Variants in P2RX3 observed in about 807,000 individuals in gnomAD.
P2RX3 encodes purinergic receptor P2X 3.
P2RX3 carries 41 observed loss-of-function variants against 51.5 expected under a neutral mutation model. The ratio of observed to expected loss-of-function variants is 0.80; its 90% CI spans 0.62 to 1.03. P2RX3 has a LOEUF of 1.03. Ranked by LOEUF, P2RX3 falls within the 50% of genes least tolerant of loss-of-function variation. The probability of loss-of-function intolerance (pLI) is 0.00; values close to 1 mark genes in which losing one functional copy is unlikely to be tolerated. For missense variants in P2RX3, 459 were observed against 522.1 expected (o/e 0.88, Z 1.18); for synonymous variants, 185 against 191.6 (o/e 0.97, Z 0.29).
At chr11:57,348,998 C>T (rs1236150401) in intron 6 of P2RX3, among the ~76,000 whole-genome samples, 1 of 152,210 alleles carries the variant, frequency 6.6e-6, no homozygotes, top group African/African-American at 2.4e-5. Context: ...GTCAAGGATG[C>T]CTTCAACGGT....
chr11:57,352,642 A>G lies in P2RX3; in HGVS notation c.842+1744A>G, dbSNP rs190785490. The stretch of plus-strand genomic sequence containing the variant: ...TGATATCGTACAGTTTTAGAACAGC[A>G]TCTCTCATCTAAATAAGAATTGGTC... On this transcript the variant is annotated intron_variant, in intron 8 of 11. Transcript: ENST00000263314. Among the ~76,000 whole-genome samples, 604 of 152,334 alleles carry G rather than the reference A, an allele frequency of 4.0e-3. 4 individuals are homozygous for G. Among genetic ancestry groups the G allele is most frequent in the African/African-American group, 0.013 (557 of 41,568 alleles).
chr11:57,363,446 C>T (rs918947783), intron 8 of P2RX3, among the ~76,000 whole-genome samples: 1 of 152,132 alleles, frequency 6.6e-6, no homozygotes, highest in Non-Finnish European at 1.5e-5. Context: ...GATCTAGGCT[C>T]CTGCCATCTT....
rs1257184527 is a variant in P2RX3 at position 57,349,659 on chromosome 11, G to T, written c.564-98G>T. 7.5e-6 allele frequency: 11 copies of T among 1,475,588 alleles called. No homozygotes were observed. In the East Asian group the frequency reaches 2.1e-4, roughly 28 times the overall value. The allele number at this position is 1,475,588 out of a possible 1,614,324, so 91.4% of individuals were successfully genotyped here. A position where few individuals can be genotyped will look rare whatever the true frequency, so the allele number is the denominator to read the frequency against. ...GGTCCAGATGAAGGCTGAGGGCTCAGATCCCCCCTAGGCCTGGGCTCCGGA... is the reference window on the plus strand; with the variant it reads ...GGTCCAGATGAAGGCTGAGGGCTCATATCCCCCCTAGGCCTGGGCTCCGGA... On this transcript the variant is annotated intron_variant, in intron 6 of 11. Coordinates refer to ENST00000263314, the MANE Select transcript of P2RX3 (RefSeq NM_002559.5).
At chr11:57,364,479 C>T (rs1565072703) in intron 8 of P2RX3, among the ~76,000 whole-genome samples, 1 of 152,170 alleles carries the variant, frequency 6.6e-6, no homozygotes, top group Admixed American at 6.5e-5. Context: ...AGTGGAGATG[C>T]TTATATTAAG....
Position 57,338,499 on chromosome 11 carries a change from CT to C in P2RX3, c.-51del, listed in dbSNP as rs1856276777. 4.4e-6 allele frequency: 6 copies of C among 1,373,506 alleles called. No individual in the cohort carries two copies. In the South Asian group the frequency reaches 6.4e-5, roughly 15 times the overall value. 85.1% of individuals were successfully genotyped at this position (1,373,506 alleles called of 1,614,324 possible). On this transcript the variant is annotated 5_prime_UTR_variant, in exon 1 of 12. Transcript: ENST00000263314. ...CCCTGTCCTGTAGGACCTCCCTCTC[CT>C]GAGGCCACCACTGGGCCCCCTTCTG... is the stretch of plus-strand genomic sequence containing the variant.
intron 9 of P2RX3, 83 bp downstream of exon 9, chr11:57,368,185 G>C: frequency 1.4e-6 from 2 of 1,451,286 alleles, no homozygotes; most frequent in Non-Finnish European, 1.9e-6. Context: ...CTCCTCTGGG[G>C]GGCAGGGGTC....
intron 1 of P2RX3, among the ~76,000 whole-genome samples, chr11:57,341,273 T>C (rs1856335164): frequency 2.0e-5 from 3 of 152,184 alleles, no homozygotes; most frequent in African/African-American, 7.2e-5. Flanking sequence ...CAATCGAATT[T>C]GAAGGGATTT....
intron 11 of P2RX3, 24 bp downstream of exon 11, chr11:57,369,462 T>C (rs1856847876): frequency 6.3e-7 from 1 of 1,594,666 alleles, no homozygotes; most frequent in South Asian, 1.1e-5. Context: ...GGGGCACCCT[T>C]GGATAAAAGG....
intron 1 of P2RX3, among the ~76,000 whole-genome samples, chr11:57,341,391 G>T (rs1856337155): frequency 6.6e-6 from 1 of 152,104 alleles, no homozygotes; most frequent in Non-Finnish European, 1.5e-5. Flanking sequence ...ATTTCTCTGA[G>T]AACTTCTCAG....
intron 8 of P2RX3, among the ~76,000 whole-genome samples, chr11:57,367,051 C>T (rs867035501): frequency 2.2e-4 from 34 of 152,230 alleles, no homozygotes; most frequent in Admixed American, 1.1e-3. Flanking sequence ...TGAAATGAGA[C>T]GAATAGTCTG....
chr11:57,347,501 C>T lies in P2RX3; in HGVS notation c.391+23C>T, dbSNP rs199511485. The T allele has an allele frequency of 2.3e-4, 350 of 1,551,570 alleles. No homozygotes were observed. In the African/African-American group the frequency reaches 3.8e-3, roughly 17 times the overall value. ...GGGGTGAGTCCAGCCCCTTACCCAC[C>T]CCACAATCCCAAGTGTTAGTGGGAC... On this transcript the variant is annotated intron_variant, in intron 4 of 11. Coordinates refer to ENST00000263314, the MANE Select transcript of P2RX3 (RefSeq NM_002559.5).
intron 1 of P2RX3, chr11:57,340,624 A>T (rs1300178258): frequency 6.6e-6 from 1 of 152,292 alleles, no homozygotes; most frequent in East Asian, 1.9e-4. Context: ...GCAAAAGCAG[A>T]CAGGGTCCTC....
At chr11:57,345,883 C>G (rs185977066) in intron 1 of P2RX3, among the ~76,000 whole-genome samples, 3 of 151,596 alleles carry the variant, frequency 2.0e-5, no homozygotes, top group Admixed American at 6.6e-5. Flanking sequence ...CCAGCCCCCC[C>G]ACCTTCAACC....
intron 8 of P2RX3, among the ~76,000 whole-genome samples, chr11:57,357,532 G>A: frequency 6.6e-6 from 1 of 152,132 alleles, no homozygotes; most frequent in East Asian, 1.9e-4. Context: ...AGGCCAAAAA[G>A]ATCCCTCTCA....
upstream of P2RX3, among the ~76,000 whole-genome samples, chr11:57,337,020 G>A (rs7123860): frequency 0.053 from 8,101 of 152,102 alleles, 714 homozygotes; most frequent in African/African-American, 0.18. Context: ...GGCCAGGCAC[G>A]GTGGCTCACA....
At position 57,371,231 on chromosome 11, in the gene P2RX3, G is replaced by A. The variant is rs912322465; in HGVS notation, c.*1234G>A. Among the ~76,000 whole-genome samples the A allele has an allele frequency of 6.6e-6, 1 of 152,340 alleles. No individual in the cohort carries two copies. Among genetic ancestry groups the A allele is most frequent in the East Asian group, 1.9e-4 (1 of 5,176 alleles). ...TCCCCTTTCTGTCCTCTCCTACAGT[G>A]AGAGGCCCAGAAATTGCCCCAGGGC... On this transcript the variant is annotated 3_prime_UTR_variant, in exon 12 of 12. Transcript: ENST00000263314.
chr11:57,339,366 T>C (rs891264560), intron 1 of P2RX3, among the ~76,000 whole-genome samples: 21 of 151,940 alleles, frequency 1.4e-4, no homozygotes, highest in African/African-American at 5.1e-4. Context: ...TGCCGCTCCC[T>C]CCCCAGGAAT....
At chr11:57,342,479 T>C (rs558503622) in intron 1 of P2RX3, among the ~76,000 whole-genome samples, 1 of 152,000 alleles carries the variant, frequency 6.6e-6, no homozygotes, top group African/African-American at 2.4e-5. Context: ...TCTGGACCAG[T>C]CATCCTGGTC....
intron 8 of P2RX3, among the ~76,000 whole-genome samples, chr11:57,359,762 G>A (rs752577304): frequency 3.3e-5 from 5 of 152,208 alleles, no homozygotes; most frequent in Non-Finnish European, 5.9e-5. Context: ...GAGTCAAGCA[G>A]CCAGATTTCA....
Sources: allele counts gnomAD v4.1 joint callset (sites outside exome capture counted in the v4.1 genomes callset), GRCh38; gene constraint gnomAD v4.1.1; transcripts MANE v1.5; gene names NCBI Gene and HGNC (gene_info 2026-07-23, HGNC 2026-07-21).